The following ADAMTSL1 variants were observed in gnomAD, a reference collection of about 807,000 sequenced individuals.
ADAMTSL1 encodes ADAMTS like 1.
Under a neutral mutation model 201.8 loss-of-function variants are expected in ADAMTSL1, and 126 were observed. The ratio of observed to expected loss-of-function variants is 0.62; its 90% CI spans 0.54 to 0.72. The LOEUF (loss-of-function observed/expected upper bound fraction) is 0.72. Among genes scored for constraint, ADAMTSL1 ranks in the 30% least tolerant of loss-of-function variants. ADAMTSL1 has a pLI of 0.00. For missense variants in ADAMTSL1, 2,679 were observed against 2,277.8 expected, an observed-to-expected ratio of 1.18 and a Z score of -3.59; for synonymous variants, 1,121 against 903.4, an observed-to-expected ratio of 1.24 and a Z score of -4.32.
chr9:18,847,031 A>C (rs181056789), intron 23 of ADAMTSL1, among the ~76,000 whole-genome samples: 72 of 152,322 alleles, frequency 4.7e-4, no homozygotes, highest in African/African-American at 1.7e-3. Flanking sequence ...GAATACCCCA[A>C]AGCTTCTGTT....
intron 1 of ADAMTSL1, among the ~76,000 whole-genome samples, chr9:18,102,354 A>G (rs1389092600): frequency 1.3e-5 from 2 of 152,146 alleles, no homozygotes; most frequent in Non-Finnish European, 2.9e-5. Flanking sequence ...ATTTCTGAAA[A>G]TATTATTTAT....
intron 1 of ADAMTSL1, among the ~76,000 whole-genome samples, chr9:18,072,486 A>G (rs527696997): frequency 7.9e-5 from 12 of 152,296 alleles, no homozygotes; most frequent in African/African-American, 1.7e-4. Flanking sequence ...TCAAACCAAC[A>G]CAGCTTGCTA....
chr9:18,421,817 T>C (rs572755298), intron 2 of ADAMTSL1, among the ~76,000 whole-genome samples: 1 of 152,332 alleles, frequency 6.6e-6, no homozygotes, highest in African/African-American at 2.4e-5. Context: ...ATTACAGGTA[T>C]TGCAGAGTTA....
chr9:18,069,836 C>T lies in ADAMTSL1; in HGVS notation c.88-94026C>T, dbSNP rs190112068. Among the ~76,000 whole-genome samples the T allele has an allele frequency of 1.9e-3, 283 of 152,110 alleles. 2 individuals carry two copies. Among genetic ancestry groups the T allele is most frequent in the African/African-American group, 6.4e-3 (266 of 41,492 alleles). ...AACTATGGTAATGGCATTGGTGGTG[C>T]AGAGAAAAGAATCAATTAAAAGTTG... On this transcript the variant is annotated intron_variant, in intron 1 of 29. Coordinates refer to the ADAMTSL1 transcript ENST00000680146.
At chr9:18,637,078 T>C (rs1014522246) in intron 6 of ADAMTSL1, among the ~76,000 whole-genome samples, 2 of 152,070 alleles carry the variant, frequency 1.3e-5, no homozygotes, top group Non-Finnish European at 2.9e-5. Flanking sequence ...AATAAATACA[T>C]GTCATGGAAG....
At position 18,736,261 on chromosome 9, in the gene ADAMTSL1, C is replaced by T. The variant is rs182972068; in HGVS notation, c.2006+14596C>T. Among the ~76,000 whole-genome samples, 12 of 152,192 alleles carry T rather than the reference C, an allele frequency of 7.9e-5. No individual in the cohort carries two copies. The East Asian group carries it at 1.9e-3, about 25-fold the overall frequency. ...GCTTTCGGGGGTTAGGGAGCATAAA[C>T]GGTAGGCCATTTGTTCGCAAGTGAG... On this transcript the variant is annotated intron_variant, in intron 15 of 28. Coordinates refer to ENST00000380548, the MANE Select transcript of ADAMTSL1 (RefSeq NM_001040272.6).
chr9:18,021,687 GAGAT>G (rs1417039717), intron 1 of ADAMTSL1, among the ~76,000 whole-genome samples: 1 of 152,148 alleles, frequency 6.6e-6, no homozygotes, highest in Non-Finnish European at 1.5e-5. Context: ...TATTTAAAAG[GAGAT>G]AGATATCTCT....
chr9:17,971,506 A>T (rs1016481927), intron 1 of ADAMTSL1, among the ~76,000 whole-genome samples: 3 of 151,828 alleles, frequency 2.0e-5, no homozygotes, highest in African/African-American at 7.2e-5. Flanking sequence ...AATTAAATTA[A>T]CCTATGGTAT....
chr9:18,174,122 A>G (rs145600894), intron 2 of ADAMTSL1, among the ~76,000 whole-genome samples: 11 of 152,270 alleles, frequency 7.2e-5, no homozygotes, highest in African/African-American at 2.6e-4. Context: ...TCAGAAAACC[A>G]CTTGAGGCAC....
intron 15 of ADAMTSL1, among the ~76,000 whole-genome samples, chr9:18,745,697 T>A (rs771219410): frequency 2.1e-4 from 32 of 152,222 alleles, no homozygotes; most frequent in Non-Finnish European, 4.0e-4. Flanking sequence ...TCTGTTGATA[T>A]ATCTGTGTCT....
chr9:18,294,233 A>C (rs576580456), intron 2 of ADAMTSL1, among the ~76,000 whole-genome samples: 58 of 152,318 alleles, frequency 3.8e-4, no homozygotes, highest in African/African-American at 1.3e-3. Context: ...CCACTTTATT[A>C]GTGGAGTGGG....
At chr9:18,292,704 C>T (rs1410611483) in intron 2 of ADAMTSL1, among the ~76,000 whole-genome samples, 1 of 152,142 alleles carries the variant, frequency 6.6e-6, no homozygotes, top group Non-Finnish European at 1.5e-5. Flanking sequence ...AGTTCTTCAG[C>T]TTTTGGTCTG....
At chr9:18,484,655 A>G (rs945491650) in intron 1 of ADAMTSL1, among the ~76,000 whole-genome samples, 2 of 152,294 alleles carry the variant, frequency 1.3e-5, no homozygotes, top group African/African-American at 2.4e-5. Context: ...TAGAAGGCTA[A>G]TGACAGTAGG....
intron 19 of ADAMTSL1, among the ~76,000 whole-genome samples, chr9:18,780,075 C>T (rs561045798): frequency 1.3e-5 from 2 of 152,234 alleles, no homozygotes; most frequent in East Asian, 3.9e-4. Flanking sequence ...AACATTGAGC[C>T]CCTGGATTAG....
At chr9:17,967,163 T>G (rs1300949350) in intron 1 of ADAMTSL1, among the ~76,000 whole-genome samples, 2 of 152,140 alleles carry the variant, frequency 1.3e-5, no homozygotes, top group Non-Finnish European at 2.9e-5. Flanking sequence ...CATGTCCGGA[T>G]GTAGGTAGGA....
rs370872615 is a variant in ADAMTSL1 at position 18,083,602 on chromosome 9, T to C, written c.88-80260T>C. On this transcript the variant is annotated intron_variant, in intron 1 of 29. Transcript: ENST00000680146. ...AAAATCTCAGGGCACTTAAGAGTTATATGAAAGACAGACTCACAGTCATCT... is the reference window on the plus strand; with the variant it reads ...AAAATCTCAGGGCACTTAAGAGTTACATGAAAGACAGACTCACAGTCATCT... 1.3e-4 allele frequency among the ~76,000 whole-genome samples: 20 copies of C among 152,328 alleles called. No individual in the cohort carries two copies. The East Asian group carries it at 1.9e-3, about 15-fold the overall frequency.
At chr9:18,234,357 T>A (rs1467961989) in intron 2 of ADAMTSL1, among the ~76,000 whole-genome samples, 1 of 152,096 alleles carries the variant, frequency 6.6e-6, no homozygotes. Flanking sequence ...GTCAGAGAGA[T>A]AGTTGGATGG....
intron 2 of ADAMTSL1, among the ~76,000 whole-genome samples, chr9:18,415,933 A>G (rs1004350689): frequency 1.3e-5 from 2 of 152,096 alleles, no homozygotes; most frequent in African/African-American, 4.8e-5. Context: ...GTGATAATCT[A>G]GAACCCCAAA....
rs578073672 is a variant in ADAMTSL1 at position 18,908,855 on chromosome 9, A to C, written c.*307A>C. Reference sequence around the variant, plus strand: ...CCTCCCTCCCAAACCTGGGTCTCAAAGACCTAGAAAGAGGCAGGCACAGCC... The same window carrying C: ...CCTCCCTCCCAAACCTGGGTCTCAACGACCTAGAAAGAGGCAGGCACAGCC... On this transcript the variant is annotated 3_prime_UTR_variant, in exon 29 of 29. Coordinates refer to ENST00000380548, the MANE Select transcript of ADAMTSL1 (RefSeq NM_001040272.6). 3.3e-5 allele frequency: 9 copies of C among 268,798 alleles called. No individual in the cohort carries two copies. In the East Asian group the frequency reaches 8.4e-4, roughly 25 times the overall value. 16.7% of individuals were successfully genotyped at this position (268,798 alleles called of 1,614,324 possible). A position where few individuals can be genotyped will look rare whatever the true frequency, so the allele number is the denominator to read the frequency against.
Sources: allele counts gnomAD v4.1 joint callset (sites outside exome capture counted in the v4.1 genomes callset), GRCh38; gene constraint gnomAD v4.1.1; transcripts MANE v1.5; gene names NCBI Gene and HGNC (gene_info 2026-07-23, HGNC 2026-07-21).